The following FBXL18 variants were observed in gnomAD, a reference collection of about 807,000 sequenced individuals.
The protein encoded by FBXL18 is F-box/LRR-repeat protein 18.
FBXL18 carries 36 observed loss-of-function variants against 46.0 expected under a neutral mutation model. The observed-to-expected ratio is 0.78, with a 90% confidence interval of 0.60 to 1.03. The LOEUF (loss-of-function observed/expected upper bound fraction) is 1.03. Ranked by LOEUF, FBXL18 falls within the 50% of genes least tolerant of loss-of-function variation. FBXL18 has a pLI of 0.00. For missense variants in FBXL18, 977 were observed against 1,004.1 expected, an observed-to-expected ratio of 0.97 and a Z score of 0.36; for synonymous variants, 557 against 465.3, an observed-to-expected ratio of 1.20 and a Z score of -2.54.
rs1046097311 is a variant in FBXL18 at position 5,477,352 on chromosome 7, T to C, written c.*4423A>G. On this transcript the variant is annotated 3_prime_UTR_variant, in exon 5 of 5. Transcript: ENST00000382368. The surrounding 1 kb of genome is among the most constrained non-coding windows in gnomAD (Gnocchi z 4.4). ...GACGTCTCCTCTGCCTTTGGTTTAG[T>C]GGCCCCACACTTCATCACCTCACTT... 6.6e-6 allele frequency among the ~76,000 whole-genome samples: 1 copy of C among 152,174 alleles called. No individual in the cohort carries two copies.
In FBXL18 at chr7:5,501,828, G is replaced by A. The variant is rs1158049079; in HGVS notation, c.441C>T (p.Arg147=). ...SKMLSALQHL[R]SLAIDVSPGF... Reference sequence around the variant, plus strand: ...CGGGGCTCACGTCGATGGCCAGCGAGCGCAGGTGCTGCAGGGCCGAGAGCA... The same window carrying A: ...CGGGGCTCACGTCGATGGCCAGCGAACGCAGGTGCTGCAGGGCCGAGAGCA... Residue 147 remains arginine, a synonymous_variant, in exon 3 of 5, where the codon CGC becomes CGT. Transcript: ENST00000382368. 3 of 1,590,638 alleles carry A rather than the reference G, an allele frequency of 1.9e-6. No homozygotes were observed. The highest frequency in any genetic ancestry group is 1.1e-5 in the South Asian group (1 of 87,328).
At chr7:5,511,973 C>G (rs192024937) in intron 1 of FBXL18, among the ~76,000 whole-genome samples, 1 of 151,586 alleles carries the variant, frequency 6.6e-6, no homozygotes, top group African/African-American at 2.4e-5. Context: ...CAGTGGCTCA[C>G]GCCTGTAATC....
At chr7:5,468,026 A>G (rs1377975665) in intron 4 of FBXL18, among the ~76,000 whole-genome samples, 2 of 142,690 alleles carry the variant, frequency 1.4e-5, no homozygotes, top group East Asian at 4.1e-4. Flanking sequence ...TCTGTCGCCC[A>G]GGCTGGAGTG....
At chr7:5,486,332 T>TCTATTGAA (rs973278003) in intron 4 of FBXL18, among the ~76,000 whole-genome samples, 3 of 147,296 alleles carry the variant, frequency 2.0e-5, no homozygotes, top group African/African-American at 7.5e-5. Context: ...GGCAGGAGAA[T>TCTATTGAA]CTATTGAACC....
intron 1 of FBXL18, among the ~76,000 whole-genome samples, chr7:5,512,956 C>A (rs777348664): frequency 1.3e-5 from 2 of 152,146 alleles, no homozygotes; most frequent in Non-Finnish European, 2.9e-5. Flanking sequence ...GTGCACCCAA[C>A]GATCTGAGAC....
chr7:5,466,291 C>T (rs1455926314), intron 4 of FBXL18, among the ~76,000 whole-genome samples: 2 of 152,202 alleles, frequency 1.3e-5, no homozygotes, highest in Admixed American at 1.3e-4. Flanking sequence ...CTCTTACAGT[C>T]TTGGAGGGTC....
chr7:5,463,635 A>G (rs925854245), intron 4 of FBXL18, among the ~76,000 whole-genome samples: 1 of 149,212 alleles, frequency 6.7e-6, no homozygotes, highest in African/African-American at 2.5e-5. Context: ...GAAAAAAAAA[A>G]GTTTTGGAAT....
chr7:5,486,147 G>A (rs1046290847), intron 4 of FBXL18, among the ~76,000 whole-genome samples: 1 of 151,316 alleles, frequency 6.6e-6, no homozygotes, highest in African/African-American at 2.4e-5. Flanking sequence ...CCAGCTACTC[G>A]GGAGGCTGAG....
chr7:5,466,773 A>G (rs117226582), intron 4 of FBXL18, among the ~76,000 whole-genome samples: 6,538 of 152,180 alleles, frequency 0.043, 185 homozygotes, highest in Middle Eastern at 0.12. Context: ...GGCAGGAGGG[A>G]GGCAGGAGCC....
intron 1 of FBXL18, among the ~76,000 whole-genome samples, chr7:5,509,510 TG>T (rs1784475399): frequency 6.6e-6 from 1 of 151,830 alleles, no homozygotes; most frequent in Non-Finnish European, 1.5e-5. Flanking sequence ...CTGGCCAATA[TG>T]GTGAAACCCC....
chr7:5,462,595 G>C (rs1402112008), intron 4 of FBXL18, among the ~76,000 whole-genome samples: 2 of 152,066 alleles, frequency 1.3e-5, no homozygotes, highest in Non-Finnish European at 2.9e-5. Context: ...TCAAATGCTT[G>C]CTCTCAGGAA....
intron 3 of FBXL18, among the ~76,000 whole-genome samples, chr7:5,492,461 C>T (rs1268266188): frequency 6.6e-6 from 1 of 151,506 alleles, no homozygotes; most frequent in African/African-American, 2.4e-5. Context: ...CTGCCAGGAA[C>T]TCCCGGGGTG....
At chr7:5,488,494 C>A (rs1783832697) in intron 4 of FBXL18, among the ~76,000 whole-genome samples, 2 of 152,206 alleles carry the variant, frequency 1.3e-5, no homozygotes, top group South Asian at 2.1e-4. Flanking sequence ...ACTCCCAGAG[C>A]CGGCCCCCAT....
At chr7:5,469,436 A>T (rs1399767225) in intron 4 of FBXL18, among the ~76,000 whole-genome samples, 1 of 152,082 alleles carries the variant, frequency 6.6e-6, no homozygotes, top group Non-Finnish European at 1.5e-5. Context: ...AAAGAATGTG[A>T]GTTATGTGAG....
At chr7:5,511,637 G>A (rs1296586693) in intron 1 of FBXL18, among the ~76,000 whole-genome samples, 1 of 150,660 alleles carries the variant, frequency 6.6e-6, no homozygotes. Flanking sequence ...GTGTGGTGGT[G>A]GGCGCCTGTA....
In FBXL18 at chr7:5,478,254, G is replaced by C. The variant is rs1783561529; in HGVS notation, c.*3521C>G. ...CTGGGGGCAGCAGATGGCAAGGATA[G>C]AGCCCGCCCCCTCTGCTGCAGAAGG... is the stretch of plus-strand genomic sequence containing the variant. On this transcript the variant is annotated 3_prime_UTR_variant, in exon 5 of 5. Coordinates refer to ENST00000382368, the MANE Select transcript of FBXL18 (RefSeq NM_024963.6). 1 of 152,390 alleles carries C rather than the reference G, an allele frequency of 6.6e-6. No homozygotes were observed. The allele number at this position is 152,390 out of a possible 1,614,324, so 9.4% of individuals were successfully genotyped here. A position where few individuals can be genotyped will look rare whatever the true frequency, so the allele number is the denominator to read the frequency against.
intron 4 of FBXL18, among the ~76,000 whole-genome samples, chr7:5,462,280 G>A (rs1233734751): frequency 6.6e-6 from 1 of 152,080 alleles, no homozygotes; most frequent in African/African-American, 2.4e-5. Context: ...CGTGAGGTGG[G>A]CCCATCCATC....
intron 4 of FBXL18, 103 bp from the exon 5 acceptor site, chr7:5,482,034 G>A (rs909756721): frequency 5.6e-5 from 76 of 1,356,152 alleles, no homozygotes; most frequent in Middle Eastern, 2.7e-4. Flanking sequence ...TCCCCGTCCC[G>A]GGCTCACCTG....
At chr7:5,495,865 G>C (rs781103734) in intron 3 of FBXL18, 6 of 480,908 alleles carry the variant, frequency 1.2e-5, no homozygotes, top group South Asian at 9.2e-5. Context: ...TGAACAGGCA[G>C]TACCCAGCTC....
Sources: allele counts gnomAD v4.1 joint callset (sites outside exome capture counted in the v4.1 genomes callset), GRCh38; gene constraint gnomAD v4.1.1; non-coding constraint Gnocchi (gnomAD v3.1); transcripts MANE v1.5; gene names NCBI Gene and HGNC (gene_info 2026-07-23, HGNC 2026-07-21).